ZBTB7C: variants seen among roughly 807,000 people sequenced by gnomAD.
The protein encoded by ZBTB7C is zinc finger and BTB domain containing 7C, also known as zinc finger and BTB domain-containing protein 7C.
In ZBTB7C, 8 loss-of-function variants were observed where a neutral mutation model predicts 25.7. That is an observed-to-expected ratio of 0.31 (90% CI 0.18 to 0.56). The LOEUF is 0.56. ZBTB7C is among the 20% of genes least tolerant of loss of function. ZBTB7C has a pLI of 0.91. For synonymous variants in ZBTB7C, 394 were observed against 369.0 expected (o/e 1.07, Z -0.78); for missense variants, 824 against 855.2 (o/e 0.96, Z 0.46).
intron 1 of ZBTB7C, chr18:48,408,308 C>T (rs1350064121): frequency 6.6e-6 from 1 of 152,396 alleles, no homozygotes; most frequent in African/African-American, 2.4e-5. Flanking sequence ...AACAAAGCAG[C>T]ACAGCGGCCA....
intron 3 of ZBTB7C, among the ~76,000 whole-genome samples, chr18:48,116,358 G>A (rs892444198): frequency 1.3e-5 from 2 of 152,216 alleles, no homozygotes; most frequent in African/African-American, 4.8e-5. Flanking sequence ...CTCCATGTGT[G>A]CTTGCTCAAT....
intron 3 of ZBTB7C, among the ~76,000 whole-genome samples, chr18:48,050,417 C>T (rs994788720): frequency 6.6e-6 from 1 of 152,204 alleles, no homozygotes; most frequent in African/African-American, 2.4e-5. Flanking sequence ...CCAGGCAGAG[C>T]GCCCACACTG....
chr18:48,079,734 G>A (rs1231284118), intron 3 of ZBTB7C, among the ~76,000 whole-genome samples: 1 of 152,260 alleles, frequency 6.6e-6, no homozygotes, highest in Non-Finnish European at 1.5e-5. Context: ...CAGCCCGCTG[G>A]AAAGGCCTTG....
chr18:48,245,339 G>A (rs1441112322), intron 2 of ZBTB7C, among the ~76,000 whole-genome samples: 1 of 151,468 alleles, frequency 6.6e-6, no homozygotes, highest in African/African-American at 2.4e-5. Flanking sequence ...GGAGGGGAGT[G>A]AGGGATAAAA....
chr18:48,076,028 C>T (rs775614204), intron 3 of ZBTB7C, among the ~76,000 whole-genome samples: 12 of 152,242 alleles, frequency 7.9e-5, no homozygotes, highest in South Asian at 2.1e-4. Context: ...TCCTCCCCAG[C>T]GCCTGCTCAG....
rs79895793 is a variant in ZBTB7C at position 48,081,325 on chromosome 18, C to T, written c.-16-40202G>A. ...CACTCAGGTTTTCTGATTCTAGACA[C>T]CTGTTGTACCATCCATGTCAGGACC... On this transcript the variant is annotated intron_variant, in intron 3 of 4. Coordinates refer to ENST00000590800, the MANE Select transcript of ZBTB7C (RefSeq NM_001318841.2). Among the ~76,000 whole-genome samples the T allele has an allele frequency of 5.4e-3, 826 of 152,294 alleles. 9 individuals carry two copies. Among genetic ancestry groups the T allele is most frequent in the African/African-American group, 0.019 (792 of 41,556 alleles).
At chr18:48,257,808 T>C (rs914052886) in intron 2 of ZBTB7C, among the ~76,000 whole-genome samples, 1 of 149,876 alleles carries the variant, frequency 6.7e-6, no homozygotes, top group Non-Finnish European at 1.5e-5. Flanking sequence ...ACTAGGATCA[T>C]GCAAATAGAT....
At chr18:48,199,095 A>G (rs1287031188) in intron 2 of ZBTB7C, among the ~76,000 whole-genome samples, 2 of 152,210 alleles carry the variant, frequency 1.3e-5, no homozygotes, top group Non-Finnish European at 2.9e-5. Flanking sequence ...AGAAAGTCTA[A>G]TGCTGTTCTG....
chr18:48,152,231 G>T (rs1022410947), intron 3 of ZBTB7C, among the ~76,000 whole-genome samples: 1 of 152,072 alleles, frequency 6.6e-6, no homozygotes, highest in Non-Finnish European at 1.5e-5. Context: ...TAAACCATAT[G>T]CAAAACTGTA....
chr18:48,200,734 C>T (rs538911033), intron 2 of ZBTB7C, among the ~76,000 whole-genome samples: 48 of 152,332 alleles, frequency 3.2e-4, no homozygotes, highest in South Asian at 1.5e-3. Flanking sequence ...ATCAGCCTTC[C>T]GCCCTCGTCC....
intron 1 of ZBTB7C, among the ~76,000 whole-genome samples, chr18:48,339,367 C>T (rs747180409): frequency 6.6e-6 from 1 of 152,234 alleles, no homozygotes; most frequent in African/African-American, 2.4e-5. Context: ...GCATTGCAGA[C>T]AAGGGGAAGC....
chr18:48,280,269 G>A (rs780564293), intron 2 of ZBTB7C, among the ~76,000 whole-genome samples: 4 of 152,054 alleles, frequency 2.6e-5, no homozygotes, highest in Admixed American at 6.5e-5. Context: ...ACCGACTCCC[G>A]AGACTTCACC....
intron 2 of ZBTB7C, among the ~76,000 whole-genome samples, chr18:48,330,483 C>T (rs1005454625): frequency 6.6e-6 from 1 of 152,120 alleles, no homozygotes; most frequent in Non-Finnish European, 1.5e-5. Context: ...GATCCCCTCA[C>T]CTCCACTCAA....
chr18:48,029,586 C>T lies in ZBTB7C; in HGVS notation c.1534G>A (p.Gly512Ser). Residue 512 changes from glycine to serine, a missense_variant, in exon 5 of 5, where the codon GGC (glycine) becomes AGC (serine). Physicochemically the swap from Gly to Ser is moderately conservative, Grantham distance 56 (BLOSUM62 0). Coordinates refer to ENST00000590800, the MANE Select transcript of ZBTB7C (RefSeq NM_001318841.2). ...KAAFVMPPALGEVGGHLGGAA... is the reference protein window; with the variant it reads ...KAAFVMPPALSEVGGHLGGAA... ...CCGCCCAGGTGGCCGCCCACCTCGC[C>T]CAGCGCAGGGGGCATCACGAAGGCC... The T allele has an allele frequency of 6.7e-7, 1 of 1,485,980 alleles. No homozygotes were observed. The highest frequency in any genetic ancestry group is 8.8e-7 in the Non-Finnish European group (1 of 1,131,890). The allele number at this position is 1,485,980 out of a possible 1,614,324, so 92.0% of individuals were successfully genotyped here. A position where few individuals can be genotyped will look rare whatever the true frequency, so the allele number is the denominator to read the frequency against.
At chr18:48,131,701 A>G (rs1388612622) in intron 3 of ZBTB7C, among the ~76,000 whole-genome samples, 2 of 152,208 alleles carry the variant, frequency 1.3e-5, no homozygotes, top group Non-Finnish European at 2.9e-5. Context: ...CTCAGTATAG[A>G]GCTCTGGGAC....
At chr18:48,033,764 A>C (rs113827838) in intron 4 of ZBTB7C, among the ~76,000 whole-genome samples, 187 of 152,332 alleles carry the variant, frequency 1.2e-3, no homozygotes, top group African/African-American at 4.3e-3. Flanking sequence ...CAAAGAGGGA[A>C]TGGTGTTCTA....
At chr18:48,307,534 A>T (rs1387298470) in intron 2 of ZBTB7C, among the ~76,000 whole-genome samples, 1 of 152,218 alleles carries the variant, frequency 6.6e-6, no homozygotes, top group East Asian at 1.9e-4. Flanking sequence ...AGAGCCTTCT[A>T]AGCAATGTAT....
intron 2 of ZBTB7C, among the ~76,000 whole-genome samples, chr18:48,304,040 C>G (rs1160525278): frequency 6.6e-6 from 1 of 152,164 alleles, no homozygotes; most frequent in East Asian, 1.9e-4. Flanking sequence ...CTTGCAGCGA[C>G]CAGCCCAGGG....
intron 3 of ZBTB7C, among the ~76,000 whole-genome samples, chr18:48,166,900 G>T (rs1054917542): frequency 2.0e-5 from 3 of 152,128 alleles, no homozygotes; most frequent in Non-Finnish European, 2.9e-5. Flanking sequence ...TTACTGGCGG[G>T]GGGGAAGCTC....
Sources: allele counts gnomAD v4.1 joint callset (sites outside exome capture counted in the v4.1 genomes callset), GRCh38; gene constraint gnomAD v4.1.1; transcripts MANE v1.5; gene names NCBI Gene and HGNC (gene_info 2026-07-23, HGNC 2026-07-21).